EIF3J: variants seen among roughly 807,000 people sequenced by gnomAD.
EIF3J encodes the protein eukaryotic translation initiation factor 3 subunit J, also known as eukaryotic translation initiation factor 3, subunit 1 (alpha, 35kD).
In EIF3J, 15 loss-of-function variants were observed where a neutral mutation model predicts 39.0. The ratio of observed to expected loss-of-function variants is 0.38; its 90% confidence interval spans 0.26 to 0.59. EIF3J has a LOEUF of 0.59. EIF3J is among the 20% of genes least tolerant of loss of function. The pLI is 0.60. For missense variants in EIF3J, 226 were observed against 308.6 expected (o/e 0.73, Z 2.00); for synonymous variants, 98 against 112.9 (o/e 0.87, Z 0.84).
At chr15:44,556,597 C>T (rs1420649015) in intron 5 of EIF3J, among the ~76,000 whole-genome samples, 1 of 151,992 alleles carries the variant, frequency 6.6e-6, no homozygotes, top group Non-Finnish European at 1.5e-5. Flanking sequence ...ACCTCCGCCT[C>T]CTGGGTTGAA....
chr15:44,537,177 G>T lies in EIF3J; in HGVS notation c.-18G>T. 2.5e-6 allele frequency: 4 copies of T among 1,612,616 alleles called. No homozygotes were observed. Among genetic ancestry groups the T allele is most frequent in the Middle Eastern group, 1.7e-4 (1 of 6,054 alleles). On this transcript the variant is annotated 5_prime_UTR_variant, in exon 1 of 8. Transcript: ENST00000261868. ...CTCGCTAGCTCTCCCTCTCACACAC[G>T]CTCACACCCGGCTCGAGATGGCGGC...
chr15:44,554,790 T>C, intron 5 of EIF3J, 123 bp downstream of exon 5: 4 of 541,986 alleles, frequency 7.4e-6, no homozygotes, highest in Non-Finnish European at 1.3e-5. Context: ...TAGAAAGCAG[T>C]TTTTAATCTC....
intron 5 of EIF3J, among the ~76,000 whole-genome samples, chr15:44,556,897 C>T (rs1283408385): frequency 2.0e-5 from 3 of 152,052 alleles, no homozygotes; most frequent in East Asian, 1.9e-4. Flanking sequence ...TGGCCTCAAG[C>T]GATCCTTCCT....
chr15:44,539,576 A>C (rs1481866376), intron 2 of EIF3J, among the ~76,000 whole-genome samples: 2 of 149,722 alleles, frequency 1.3e-5, no homozygotes, highest in Non-Finnish European at 3.0e-5. Flanking sequence ...AATTTTTTCT[A>C]TTTTTAGTAG....
At chr15:44,548,633 A>T (rs1336890480) in intron 2 of EIF3J, among the ~76,000 whole-genome samples, 1 of 152,226 alleles carries the variant, frequency 6.6e-6, no homozygotes, top group East Asian at 1.9e-4. Flanking sequence ...ATGGAGGCTG[A>T]GAAGTCCAGT....
chr15:44,545,753 A>G (rs1046770633), intron 2 of EIF3J, among the ~76,000 whole-genome samples: 1 of 152,178 alleles, frequency 6.6e-6, no homozygotes, highest in African/African-American at 2.4e-5. Context: ...GTTATTAGCT[A>G]TAATCACCGT....
intron 2 of EIF3J, among the ~76,000 whole-genome samples, chr15:44,547,437 A>ACTC (rs1437942257): frequency 2.0e-3 from 231 of 118,402 alleles, no homozygotes; most frequent in East Asian, 8.0e-3. Context: ...GCCGGCCTTG[A>ACTC]TTCTTTTTTT....
At chr15:44,542,496 T>C (rs534987090) in intron 2 of EIF3J, among the ~76,000 whole-genome samples, 2 of 152,374 alleles carry the variant, frequency 1.3e-5, no homozygotes, top group African/African-American at 4.8e-5. Flanking sequence ...AAATACATCT[T>C]GCTTAAGTTG....
intron 4 of EIF3J, among the ~76,000 whole-genome samples, chr15:44,553,393 G>A (rs1166833781): frequency 6.6e-6 from 1 of 151,938 alleles, no homozygotes; most frequent in African/African-American, 2.4e-5. Flanking sequence ...CTGGGAGGCT[G>A]AGGCAGGAGA....
At chr15:44,555,164 C>T (rs533245241) in intron 5 of EIF3J, among the ~76,000 whole-genome samples, 15 of 152,212 alleles carry the variant, frequency 9.9e-5, no homozygotes, top group South Asian at 4.2e-4. Flanking sequence ...TTTCTTTGTG[C>T]GGTGTCTGCA....
Position 44,562,228 on chromosome 15 carries a change from C to CCTTATGTTGTCACCA in EIF3J, c.*1080_*1094dup, listed in dbSNP as rs1443466589. On this transcript the variant is annotated 3_prime_UTR_variant, in exon 8 of 8. Transcript: ENST00000261868. ...TTAAAACATGAGTGATTTGCCAGGT[C>CCTTATGTTGTCACCA]CTTATGTTGTCACCATAGAGCAACA... 3 of 152,518 alleles carry CCTTATGTTGTCACCA rather than the reference C, an allele frequency of 2.0e-5. No homozygotes were observed. Among genetic ancestry groups the CCTTATGTTGTCACCA allele is most frequent in the East Asian group, 3.9e-4 (2 of 5,194 alleles). The allele number at this position is 152,518 out of a possible 1,614,324, so 9.4% of individuals were successfully genotyped here.
In EIF3J at chr15:44,538,663, C is replaced by A. The variant is rs557458158; in HGVS notation, c.147+1236C>A. ...TTTGCACACATTGAAGTTAATAAAT[C>A]GACTGGTTATTGTTTGAAGACACTC... On this transcript the variant is annotated intron_variant, in intron 2 of 7. Coordinates refer to ENST00000261868, the MANE Select transcript of EIF3J (RefSeq NM_003758.4). 3.9e-4 allele frequency among the ~76,000 whole-genome samples: 59 copies of A among 152,250 alleles called. 2 individuals carry two copies. The South Asian group carries it at 0.012, about 31-fold the overall frequency.
intron 2 of EIF3J, among the ~76,000 whole-genome samples, chr15:44,539,316 G>A (rs1462962819): frequency 6.6e-6 from 1 of 150,572 alleles, no homozygotes; most frequent in East Asian, 2.0e-4. Flanking sequence ...GTGAGCTACC[G>A]TACCCAGCCT....
intron 7 of EIF3J, 129 bp from the exon 8 acceptor site, chr15:44,560,889 G>A (rs780328388): frequency 3.7e-5 from 47 of 1,276,262 alleles, no homozygotes; most frequent in African/African-American, 7.6e-5. Context: ...ATGTAGGCTC[G>A]GATGTCCCTT....
Position 44,537,363 on chromosome 15 carries a change from TGGG to T in EIF3J, c.87_89del (p.Gly32del). On this transcript the variant is annotated inframe_deletion, in exon 2 of 8. Coordinates refer to ENST00000261868, the MANE Select transcript of EIF3J (RefSeq NM_003758.4). ...TCCGTGGAAGACCCAGTGCGGAAGGTGGGGGGCGGCGGCACTGCCGGCGGGGAC... is the reference window on the plus strand; with the variant it reads ...TCCGTGGAAGACCCAGTGCGGAAGGTGGGCGGCGGCACTGCCGGCGGGGAC... The T allele has an allele frequency of 6.4e-7, 1 of 1,565,784 alleles. No individual in the cohort carries two copies.
chr15:44,556,220 G>A (rs966887214), intron 5 of EIF3J, among the ~76,000 whole-genome samples: 4 of 152,120 alleles, frequency 2.6e-5, no homozygotes, highest in Non-Finnish European at 5.9e-5. Flanking sequence ...TTAGCTTCTG[G>A]AGTTAGACAA....
At chr15:44,538,167 T>A (rs1287205549) in intron 2 of EIF3J, among the ~76,000 whole-genome samples, 1 of 152,026 alleles carries the variant, frequency 6.6e-6, no homozygotes, top group Admixed American at 6.5e-5. Context: ...GGGCCCGTGG[T>A]TTTTTGTTGT....
At chr15:44,560,906 C>A in intron 7 of EIF3J, 112 bp from the exon 8 acceptor site, 1 of 1,404,662 alleles carries the variant, frequency 7.1e-7, no homozygotes, top group Non-Finnish European at 9.6e-7. Context: ...CCTTACAGAA[C>A]TAGTGTTTCT....
At chr15:44,546,975 C>T (rs1298328049) in intron 2 of EIF3J, among the ~76,000 whole-genome samples, 1 of 151,398 alleles carries the variant, frequency 6.6e-6, no homozygotes, top group Non-Finnish European at 1.5e-5. Flanking sequence ...GCGTGCACCA[C>T]CATGCCCACC....
Sources: gnomAD v4.1 joint callset for allele counts (sites outside exome capture counted in the v4.1 genomes callset) on GRCh38, gnomAD v4.1.1 for gene constraint, MANE v1.5 for transcripts, NCBI Gene and HGNC (gene_info 2026-07-23, HGNC 2026-07-21) for gene names.